Variants in SPOCK1 observed in about 807,000 individuals in gnomAD.
SPOCK1 encodes the protein testican-1.
Under a neutral mutation model 55.3 loss-of-function variants are expected in SPOCK1, and 23 were observed. That is an observed-to-expected ratio of 0.42 (90% CI 0.30 to 0.59). SPOCK1 has a LOEUF of 0.59. Ranked by LOEUF, SPOCK1 falls within the 20% of genes least tolerant of loss-of-function variation. The probability of loss-of-function intolerance (pLI) is 0.22; values close to 1 mark genes in which losing one functional copy is unlikely to be tolerated. For synonymous variants in SPOCK1, 226 were observed against 221.0 expected, an observed-to-expected ratio of 1.02 and a Z score of -0.20; for missense variants, 499 against 552.5, an observed-to-expected ratio of 0.90 and a Z score of 0.97.
At chr5:137,104,998 T>A (rs1003364758) in intron 5 of SPOCK1, among the ~76,000 whole-genome samples, 2 of 152,192 alleles carry the variant, frequency 1.3e-5, no homozygotes, top group Non-Finnish European at 1.5e-5. Context: ...GACCGCTGCC[T>A]TATTGGACTG....
intron 6 of SPOCK1, among the ~76,000 whole-genome samples, chr5:137,043,688 C>G (rs1305504882): frequency 6.6e-6 from 1 of 152,108 alleles, no homozygotes; most frequent in East Asian, 1.9e-4. Flanking sequence ...ATCATTAGAC[C>G]AACATGGAAC....
At chr5:137,352,344 C>G (rs1197624200) in intron 2 of SPOCK1, among the ~76,000 whole-genome samples, 1 of 152,218 alleles carries the variant, frequency 6.6e-6, no homozygotes, top group Non-Finnish European at 1.5e-5. Context: ...TTAGCAAGCC[C>G]TTTAAACAGT....
intron 3 of SPOCK1, among the ~76,000 whole-genome samples, chr5:137,158,369 C>G (rs1754460802): frequency 6.6e-6 from 1 of 152,204 alleles, no homozygotes; most frequent in African/African-American, 2.4e-5. Context: ...TTTGGATAAC[C>G]TTCCTGTGAC....
At chr5:137,327,358 T>TA (rs753092310) in intron 2 of SPOCK1, among the ~76,000 whole-genome samples, 6 of 152,340 alleles carry the variant, frequency 3.9e-5, no homozygotes, top group Admixed American at 1.3e-4. Context: ...TTTTCTGATA[T>TA]AAAAAATACA....
chr5:137,470,373 T>C (rs1437942540), intron 2 of SPOCK1, among the ~76,000 whole-genome samples: 3 of 152,242 alleles, frequency 2.0e-5, no homozygotes, highest in Admixed American at 6.5e-5. Flanking sequence ...CATCCTGGCA[T>C]TGGCCTTCTG....
chr5:137,221,975 A>C (rs1755856165), intron 3 of SPOCK1, among the ~76,000 whole-genome samples: 1 of 152,064 alleles, frequency 6.6e-6, no homozygotes, highest in Non-Finnish European at 1.5e-5. Flanking sequence ...ATCAGACTCC[A>C]TCTGAAAAGG....
At chr5:137,149,180 G>A (rs561425118) in intron 3 of SPOCK1, among the ~76,000 whole-genome samples, 5 of 152,298 alleles carry the variant, frequency 3.3e-5, no homozygotes, top group South Asian at 2.1e-4. Context: ...GGTTCCTTCC[G>A]TGAGGGGTTT....
chr5:137,095,381 C>T (rs1191041348), intron 5 of SPOCK1, among the ~76,000 whole-genome samples: 1 of 152,128 alleles, frequency 6.6e-6, no homozygotes, highest in African/African-American at 2.4e-5. Context: ...AATAAAAGAA[C>T]ATTCATTAAA....
intron 2 of SPOCK1, among the ~76,000 whole-genome samples, chr5:137,342,308 T>C (rs1750449439): frequency 6.6e-6 from 1 of 151,940 alleles, no homozygotes; most frequent in South Asian, 2.1e-4. Flanking sequence ...TGGAAGAAAA[T>C]AAAATTAAAA....
chr5:137,270,487 G>A (rs764747401), intron 2 of SPOCK1, among the ~76,000 whole-genome samples: 18 of 152,186 alleles, frequency 1.2e-4, no homozygotes, highest in Non-Finnish European at 2.4e-4. Flanking sequence ...GGCATCTTCT[G>A]GACAGGACAG....
intron 3 of SPOCK1, among the ~76,000 whole-genome samples, chr5:137,215,182 C>T (rs985067413): frequency 1.3e-5 from 2 of 152,190 alleles, no homozygotes; most frequent in Non-Finnish European, 2.9e-5. Flanking sequence ...ACATCTAAGA[C>T]ATATGAGAAG....
intron 2 of SPOCK1, among the ~76,000 whole-genome samples, chr5:137,479,860 G>A (rs1233751519): frequency 6.6e-6 from 1 of 152,148 alleles, no homozygotes; most frequent in Non-Finnish European, 1.5e-5. Context: ...GAAGGAAGAG[G>A]TTGACCTGGA....
At chr5:137,147,013 C>T (rs1418142807) in intron 3 of SPOCK1, among the ~76,000 whole-genome samples, 1 of 152,198 alleles carries the variant, frequency 6.6e-6, no homozygotes, top group East Asian at 1.9e-4. Flanking sequence ...CTTTTCTTTC[C>T]CCTTTAAACT....
intron 4 of SPOCK1, among the ~76,000 whole-genome samples, chr5:137,128,719 A>T (rs1446674810): frequency 6.6e-6 from 1 of 152,206 alleles, no homozygotes; most frequent in Non-Finnish European, 1.5e-5. Context: ...CAGTGTCCTC[A>T]TATGCTCTTA....
At chr5:137,134,360 T>A (rs183933625) in intron 4 of SPOCK1, among the ~76,000 whole-genome samples, 11 of 152,312 alleles carry the variant, frequency 7.2e-5, no homozygotes, top group Non-Finnish European at 1.3e-4. Context: ...ACAGTGATGA[T>A]GTTTCTGTTT....
intron 5 of SPOCK1, among the ~76,000 whole-genome samples, chr5:137,074,562 G>A (rs1284028507): frequency 6.6e-6 from 1 of 152,218 alleles, no homozygotes; most frequent in Non-Finnish European, 1.5e-5. Flanking sequence ...TATTGCCCAG[G>A]CTGGAGTGCA....
intron 2 of SPOCK1, among the ~76,000 whole-genome samples, chr5:137,326,762 T>C (rs763418011): frequency 6.6e-6 from 1 of 152,226 alleles, no homozygotes; most frequent in African/African-American, 2.4e-5. Context: ...TATCAGGAGA[T>C]TCAACCTTTC....
At position 137,253,927 on chromosome 5, in the gene SPOCK1, C is replaced by T. The variant is rs1046698963; in HGVS notation, c.232+13083G>A. Among the ~76,000 whole-genome samples the T allele has an allele frequency of 5.9e-5, 9 of 152,346 alleles. No homozygotes were observed. The East Asian group carries it at 1.5e-3, about 26-fold the overall frequency. ...GTTCTAGGTGTCCCACCATGCTACC[C>T]CTGCTTTTAAAACTATTCATAAAGC... On this transcript the variant is annotated intron_variant, in intron 3 of 10. Transcript: ENST00000394945.
At chr5:137,116,058 C>A (rs950704372) in intron 4 of SPOCK1, among the ~76,000 whole-genome samples, 4 of 152,068 alleles carry the variant, frequency 2.6e-5, no homozygotes, top group African/African-American at 9.7e-5. Context: ...TTCTGTCAGC[C>A]TTCTCTCATT....
Sources: gnomAD v4.1 joint callset for allele counts (sites outside exome capture counted in the v4.1 genomes callset) on GRCh38, gnomAD v4.1.1 for gene constraint, MANE v1.5 for transcripts, NCBI Gene and HGNC (gene_info 2026-07-23, HGNC 2026-07-21) for gene names.